Variants in WDR33 observed in about 807,000 individuals in gnomAD.
WDR33 encodes WD repeat domain 33, also known as pre-mRNA 3' end processing protein WDR33.
A neutral mutation model predicts 164.9 loss-of-function variants in WDR33; 47 were observed. The ratio of observed to expected loss-of-function variants is 0.29; its 90% confidence interval spans 0.23 to 0.36. WDR33 has a LOEUF of 0.36. Among genes scored for constraint, WDR33 ranks in the 10% least tolerant of loss-of-function variants. The probability of loss-of-function intolerance (pLI) is 1.00; values close to 1 mark genes in which losing one functional copy is unlikely to be tolerated. For missense variants in WDR33, 1,137 were observed against 1,754.1 expected (o/e 0.65, Z 6.28); for synonymous variants, 505 against 589.0 (o/e 0.86, Z 2.06).
Position 127,733,363 on chromosome 2 carries a change from G to A in WDR33, c.725-6586C>T, listed in dbSNP as rs531808110. On this transcript the variant is annotated intron_variant, in intron 7 of 21. Transcript: ENST00000322313. Reference sequence around the variant, plus strand: ...CCTCAGTAGGATGGCAGAGCTTAAAGAAGCCAGTGATATGGGCACATGAAA... The same window carrying A: ...CCTCAGTAGGATGGCAGAGCTTAAAAAAGCCAGTGATATGGGCACATGAAA... Among the ~76,000 whole-genome samples the A allele has an allele frequency of 6.0e-4, 92 of 152,322 alleles. 1 individual carries two copies. In the South Asian group the frequency reaches 0.013, roughly 21 times the overall value.
chr2:127,744,321 CT>C (rs1687108118), intron 7 of WDR33, among the ~76,000 whole-genome samples: 2 of 152,116 alleles, frequency 1.3e-5, no homozygotes, highest in African/African-American at 4.8e-5. Flanking sequence ...ACAACTGTGT[CT>C]TGGCAAAAAC....
chr2:127,779,493 T>C (rs1455318163), intron 1 of WDR33, among the ~76,000 whole-genome samples: 1 of 150,182 alleles, frequency 6.7e-6, no homozygotes, highest in Non-Finnish European at 1.5e-5. Flanking sequence ...AAATAGAACA[T>C]ATGATAGAAC....
rs990234716 is a variant in WDR33 at position 127,794,833 on chromosome 2, CA to C, written c.-24+16178del. Among the ~76,000 whole-genome samples the C allele has an allele frequency of 2.8e-3, 221 of 79,304 alleles. 1 individual carries two copies. Among genetic ancestry groups the C allele is most frequent in the Middle Eastern group, 6.2e-3 (1 of 162 alleles). 52.0% of individuals were successfully genotyped at this position (79,304 alleles called of 152,430 possible). On this transcript the variant is annotated intron_variant, in intron 1 of 21. Coordinates refer to ENST00000322313, the MANE Select transcript of WDR33 (RefSeq NM_018383.5). ...TGGGCGACAAAGCGAGACTCCGTTT[CA>C]AAAAAAAAAAAAAAAAAAGAAAGAA...
chr2:127,732,108 A>AACACACACACACACACACACAC (rs71394692), intron 7 of WDR33, among the ~76,000 whole-genome samples: 1 of 138,122 alleles, frequency 7.2e-6, no homozygotes, highest in South Asian at 2.4e-4. Context: ...CAACATATAC[A>AACACACACACACACACACACAC]ACACACACAC....
At chr2:127,711,699 T>C (rs1177387137) in intron 18 of WDR33, among the ~76,000 whole-genome samples, 1 of 146,056 alleles carries the variant, frequency 6.8e-6, no homozygotes, top group Non-Finnish European at 1.5e-5. Flanking sequence ...GCCTTGCTTT[T>C]CTCACCACCC....
chr2:127,740,346 T>TACACACACACACACAC (rs71307275), intron 7 of WDR33, among the ~76,000 whole-genome samples: 1 of 149,698 alleles, frequency 6.7e-6, no homozygotes, highest in Non-Finnish European at 1.5e-5. Flanking sequence ...TGTATTTCTC[T>TACACACACACACACAC]ACACACACAC....
intron 7 of WDR33, among the ~76,000 whole-genome samples, chr2:127,734,357 T>C (rs1252246964): frequency 1.3e-5 from 2 of 152,216 alleles, no homozygotes; most frequent in Non-Finnish European, 2.9e-5. Flanking sequence ...TTCAGAGTCC[T>C]AGCTAAATGA....
In WDR33 at chr2:127,763,441, T is replaced by C; in HGVS notation, c.627-282A>G. 1 of 1,151,778 alleles carries C rather than the reference T, an allele frequency of 8.7e-7. No homozygotes were observed. Among genetic ancestry groups the C allele is most frequent in the Non-Finnish European group, 1.1e-6 (1 of 932,360 alleles). The allele number at this position is 1,151,778 out of a possible 1,614,324, so 71.3% of individuals were successfully genotyped here. On this transcript the variant is annotated intron_variant, in intron 6 of 21. Transcript: ENST00000322313. This position sits in a 1 kb window ranked among gnomAD's most constrained non-coding sequence, Gnocchi z 4.5. ...CTATCCATGTTCCTTCTCTATTTTC[T>C]ATGATACGAGGAAATCACATGAAGC...
At chr2:127,731,821 C>T (rs1290955823) in intron 7 of WDR33, among the ~76,000 whole-genome samples, 1 of 152,114 alleles carries the variant, frequency 6.6e-6, no homozygotes, top group African/African-American at 2.4e-5. Flanking sequence ...CACTGTGGCT[C>T]ACACCTGTAA....
chr2:127,774,359 ATATTT>A (rs1254569177), intron 1 of WDR33, among the ~76,000 whole-genome samples: 83 of 152,208 alleles, frequency 5.5e-4, no homozygotes, highest in Non-Finnish European at 1.0e-3. Context: ...GCCCAAAAGC[ATATTT>A]TAAAATTATG....
intron 1 of WDR33, among the ~76,000 whole-genome samples, chr2:127,785,100 T>C (rs963962994): frequency 6.6e-6 from 1 of 152,186 alleles, no homozygotes; most frequent in African/African-American, 2.4e-5. Context: ...AAAAAAATAT[T>C]TGTCGTGTAC....
intron 7 of WDR33, among the ~76,000 whole-genome samples, chr2:127,755,386 T>G (rs987578779): frequency 1.3e-5 from 2 of 152,220 alleles, no homozygotes; most frequent in African/African-American, 4.8e-5. Context: ...AAACTTACTT[T>G]GGGAATGACC....
At chr2:127,809,068 C>T (rs979825581) in intron 1 of WDR33, among the ~76,000 whole-genome samples, 175 of 146,358 alleles carry the variant, frequency 1.2e-3, no homozygotes, top group Admixed American at 9.5e-4. Flanking sequence ...TCCAGAAACA[C>T]ATTTATAAGT....
chr2:127,795,673 A>C lies in WDR33; in HGVS notation c.-24+15339T>G, dbSNP rs866803685. Among the ~76,000 whole-genome samples, 8 of 148,824 alleles carry C rather than the reference A, an allele frequency of 5.4e-5. No individual in the cohort carries two copies. In the East Asian group the frequency reaches 1.2e-3, roughly 22 times the overall value. On this transcript the variant is annotated intron_variant, in intron 1 of 21. Coordinates refer to ENST00000322313, the MANE Select transcript of WDR33 (RefSeq NM_018383.5). The stretch of plus-strand genomic sequence containing the variant: ...TCCTTTCTATAAAAAAAAAAAAAAA[A>C]CACCAAAAAGTTAGCCAGGTGTGGT...
chr2:127,737,667 T>C, intron 7 of WDR33: 1 of 1,041,980 alleles, frequency 9.6e-7, no homozygotes, highest in Non-Finnish European at 1.2e-6. Flanking sequence ...CTGAAGCCCC[T>C]GGTAAGGAAG....
intron 1 of WDR33, among the ~76,000 whole-genome samples, chr2:127,773,122 C>A (rs188609575): frequency 6.6e-6 from 1 of 152,184 alleles, no homozygotes; most frequent in African/African-American, 2.4e-5. Flanking sequence ...GGTGACAGAA[C>A]AAGACCCTGT....
chr2:127,770,963 A>C lies in WDR33; in HGVS notation c.19T>G (p.Ser7Ala). The C allele has an allele frequency of 1.9e-6, 3 of 1,613,904 alleles. No homozygotes were observed. The highest frequency in any genetic ancestry group is 1.7e-6 in the Non-Finnish European group (2 of 1,179,892). MATEIG[S>A]PPRFFHMPRF... ...GGCATATGGAAAAAACGAGGAGGAGAACCAATTTCTGTAGCCATGGTGATG... is the reference window on the plus strand; with the variant it reads ...GGCATATGGAAAAAACGAGGAGGAGCACCAATTTCTGTAGCCATGGTGATG... The change falls in exon 2 of 22, where the codon TCT (serine) becomes GCT (alanine). Residue 7 changes from serine (S) to alanine (A), a missense_variant. Around this residue, in one of 9 missense-constraint regions of WDR33, gnomAD observed 24 missense variants for 46.7 expected, o/e 0.51. Coordinates refer to ENST00000322313, the MANE Select transcript of WDR33 (RefSeq NM_018383.5). This position sits in a 1 kb window ranked among gnomAD's most constrained non-coding sequence, Gnocchi z 4.9.
At chr2:127,728,313 A>T (rs192235331) in intron 7 of WDR33, among the ~76,000 whole-genome samples, 3 of 152,292 alleles carry the variant, frequency 2.0e-5, no homozygotes, top group Admixed American at 6.5e-5. Flanking sequence ...AATTTATTTT[A>T]AAAAAATACA....
At chr2:127,772,316 G>A (rs772546240) in intron 1 of WDR33, among the ~76,000 whole-genome samples, 1 of 152,070 alleles carries the variant, frequency 6.6e-6, no homozygotes, top group Non-Finnish European at 1.5e-5. Flanking sequence ...GCAGTCTCCT[G>A]TAATCCCAGC....
Sources: allele counts gnomAD v4.1 joint callset (sites outside exome capture counted in the v4.1 genomes callset), GRCh38; gene constraint gnomAD v4.1.1; regional missense constraint gnomAD v4.1.1; non-coding constraint Gnocchi (gnomAD v3.1); transcripts MANE v1.5; gene names NCBI Gene and HGNC (gene_info 2026-07-23, HGNC 2026-07-21).